Variants in PCDHGB4 observed in about 807,000 individuals in gnomAD.
PCDHGB4 encodes the protein protocadherin gamma subfamily B, 4, also known as protocadherin gamma-B4.
Under a neutral mutation model 60.5 loss-of-function variants are expected in PCDHGB4, and 38 were observed. That is an observed-to-expected ratio of 0.63 (90% confidence interval 0.48 to 0.82). The LOEUF (loss-of-function observed/expected upper bound fraction) is 0.82. PCDHGB4 is among the 40% of genes least tolerant of loss of function. The probability of loss-of-function intolerance (pLI) is 0.00; values close to 1 mark genes in which losing one functional copy is unlikely to be tolerated. For synonymous variants in PCDHGB4, 456 were observed against 509.7 expected, an observed-to-expected ratio of 0.89 and a Z score of 1.42; for missense variants, 1,109 against 1,209.6, an observed-to-expected ratio of 0.92 and a Z score of 1.23.
chr5:141,415,419 C>A, intron 1 of PCDHGB4: 1 of 1,614,196 alleles, frequency 6.2e-7, no homozygotes, highest in East Asian at 2.2e-5. Context: ...TGGGCGTGGA[C>A]GGGGTTCGGG....
At chr5:141,395,276 A>G in intron 1 of PCDHGB4, 1 of 1,543,522 alleles carries the variant, frequency 6.5e-7, no homozygotes. Flanking sequence ...TTTCCAGATG[A>G]ATTTTATTTG....
intron 1 of PCDHGB4, chr5:141,423,492 C>T (rs2154550191): frequency 1.2e-6 from 2 of 1,613,972 alleles, no homozygotes; most frequent in East Asian, 4.5e-5. Context: ...AAACCTATTC[C>T]CACGAGGTCT....
At chr5:141,445,268 C>A (rs2098461653) in intron 1 of PCDHGB4, among the ~76,000 whole-genome samples, 1 of 152,170 alleles carries the variant, frequency 6.6e-6, no homozygotes, top group Non-Finnish European at 1.5e-5. Flanking sequence ...TAAGTCGAAA[C>A]CACTCTGCAT....
chr5:141,414,587 G>C (rs775783880), intron 1 of PCDHGB4: 3 of 1,613,828 alleles, frequency 1.9e-6, no homozygotes, highest in Admixed American at 3.3e-5. Context: ...AACAACGCCA[G>C]GGGTGCCTCC....
At chr5:141,419,728 A>T (rs2096421858) in intron 1 of PCDHGB4, 1 of 1,613,466 alleles carries the variant, frequency 6.2e-7, no homozygotes. Flanking sequence ...GGCTGCGAAC[A>T]GGCGAGGTGC....
At chr5:141,450,067 T>C (rs1007808503) in intron 1 of PCDHGB4, among the ~76,000 whole-genome samples, 4 of 147,604 alleles carry the variant, frequency 2.7e-5, no homozygotes, top group African/African-American at 1.0e-4. Context: ...AATGCAGTGG[T>C]ATGATCTTGG....
chr5:141,394,136 C>A, intron 1 of PCDHGB4: 3 of 1,613,956 alleles, frequency 1.9e-6, no homozygotes, highest in Non-Finnish European at 2.5e-6. Flanking sequence ...TCGCTCTGCA[C>A]GTGGCAGACA....
At chr5:141,450,702 G>A (rs1466981422) in intron 1 of PCDHGB4, among the ~76,000 whole-genome samples, 1 of 152,026 alleles carries the variant, frequency 6.6e-6, no homozygotes, top group Non-Finnish European at 1.5e-5. Flanking sequence ...GCCCAGGATG[G>A]TCTCCAACTC....
chr5:141,404,185 C>T, intron 1 of PCDHGB4: 1 of 1,613,214 alleles, frequency 6.2e-7, no homozygotes, highest in Non-Finnish European at 8.5e-7. Context: ...AAATTCTTGA[C>T]CGAGAAAAAG....
chr5:141,410,820 T>A (rs1032991309), intron 1 of PCDHGB4: 14 of 524,668 alleles, frequency 2.7e-5, no homozygotes, highest in Non-Finnish European at 4.1e-5. Context: ...TAAAATAATG[T>A]CACCAGACTG....
At chr5:141,412,001 A>G (rs2095528527) in intron 1 of PCDHGB4, 1 of 151,750 alleles carries the variant, frequency 6.6e-6, no homozygotes, top group Non-Finnish European at 1.5e-5. Flanking sequence ...GCATAGTGAC[A>G]TAAACACTTC....
In PCDHGB4 at chr5:141,491,081, C is replaced by T; in HGVS notation, c.2398-3726C>T. The T allele has an allele frequency of 6.2e-7, 1 of 1,614,176 alleles. No individual in the cohort carries two copies. The highest frequency in any genetic ancestry group is 8.5e-7 in the Non-Finnish European group (1 of 1,180,010). On this transcript the variant is annotated intron_variant, in intron 1 of 3. Coordinates refer to ENST00000519479, the MANE Select transcript of PCDHGB4 (RefSeq NM_003736.4). The surrounding 1 kb of genome is among the most constrained non-coding windows in gnomAD (Gnocchi z 6.9). Reference sequence around the variant, plus strand: ...TCCTACTCACTGTTGCCACAGTCCACAGCCCCAGGACTGTTCCTCGTGTCT... The same window carrying T: ...TCCTACTCACTGTTGCCACAGTCCATAGCCCCAGGACTGTTCCTCGTGTCT...
Position 141,491,415 on chromosome 5 carries a change from G to GGGT in PCDHGB4, c.2398-3389_2398-3387dup. 1 of 1,614,126 alleles carries GGGT rather than the reference G, an allele frequency of 6.2e-7. No individual in the cohort carries two copies. Among genetic ancestry groups the GGGT allele is most frequent in the Non-Finnish European group, 8.5e-7 (1 of 1,180,034 alleles). ...TTCAGGGAAACGCAGACGGGGACGG[G>GGGT]GGTGGAGGGCAGTGCTGCAGGCGCC... On this transcript the variant is annotated intron_variant, in intron 1 of 3. Transcript: ENST00000519479. The surrounding 1 kb of genome is among the most constrained non-coding windows in gnomAD (Gnocchi z 6.9).
In PCDHGB4 at chr5:141,490,363, C is replaced by T. The variant is rs779932482; in HGVS notation, c.2398-4444C>T. 10 of 1,614,036 alleles carry T rather than the reference C, an allele frequency of 6.2e-6. No individual in the cohort carries two copies. The highest frequency in any genetic ancestry group is 1.3e-5 in the African/African-American group (1 of 74,904). The stretch of plus-strand genomic sequence containing the variant: ...CACAGTAGTGGGGTTGTTTAATGTG[C>T]GAGACCGGGACTCAGGTAGAAATGG... On this transcript the variant is annotated intron_variant, in intron 1 of 3. Coordinates refer to ENST00000519479, the MANE Select transcript of PCDHGB4 (RefSeq NM_003736.4). The surrounding 1 kb of genome is among the most constrained non-coding windows in gnomAD (Gnocchi z 5.4).
intron 1 of PCDHGB4, chr5:141,394,343 C>T: frequency 1.2e-6 from 2 of 1,614,158 alleles, no homozygotes; most frequent in African/African-American, 1.3e-5. Context: ...TCAACTCTGA[C>T]ACCGGTGTCC....
intron 1 of PCDHGB4, chr5:141,492,015 G>A (rs117345436): frequency 3.3e-6 from 2 of 600,492 alleles, no homozygotes; most frequent in African/African-American, 1.9e-5. Context: ...CGCGGGTGTC[G>A]GGGGTCCCGG....
rs140916255 is a variant in PCDHGB4, at chr5:141,475,995, C to A, written c.2398-18812C>A. 2,057 of 1,172,604 alleles carry A rather than the reference C, an allele frequency of 1.8e-3. 30 individuals carry two copies. The African/African-American group carries it at 0.027, about 16-fold the overall frequency. 72.6% of individuals were successfully genotyped at this position (1,172,604 alleles called of 1,614,324 possible). ...ACTGAACAGCCGGCGAGCAAATCAA[C>A]GGCATCCAGAAAGCCATGTCGGACT... On this transcript the variant is annotated intron_variant, in intron 1 of 3. Coordinates refer to ENST00000519479, the MANE Select transcript of PCDHGB4 (RefSeq NM_003736.4).
rs759756007 is a variant in PCDHGB4 at position 141,476,248 on chromosome 5, T to C, written c.2398-18559T>C. 2 of 1,613,856 alleles carry C rather than the reference T, an allele frequency of 1.2e-6. No individual in the cohort carries two copies. Among genetic ancestry groups the C allele is most frequent in the South Asian group, 2.2e-5 (2 of 91,050 alleles). On this transcript the variant is annotated intron_variant, in intron 1 of 3. Transcript: ENST00000519479. The surrounding 1 kb of genome is among the most constrained non-coding windows in gnomAD (Gnocchi z 7.6). The stretch of plus-strand genomic sequence containing the variant: ...AGATCCCGGAGGAAAGAGAGAAGGG[T>C]TTCGCTGTGGGCAACGTGGTCGCGA...
chr5:141,473,626 G>A lies in PCDHGB4; in HGVS notation c.2398-21181G>A, dbSNP rs149882847. ...GCAAAGCAAAGGGAGGGAGGAAAAA[G>A]CAGCTTTCCTGGCAAAGGAACAATT... On this transcript the variant is annotated intron_variant, in intron 1 of 3. Transcript: ENST00000519479. Among the ~76,000 whole-genome samples, 1,234 of 152,276 alleles carry A rather than the reference G, an allele frequency of 8.1e-3. 14 individuals are homozygous for A. Among genetic ancestry groups the A allele is most frequent in the Non-Finnish European group, 0.011 (715 of 68,020 alleles).
Sources: gnomAD v4.1 joint callset for allele counts (sites outside exome capture counted in the v4.1 genomes callset) on GRCh38, gnomAD v4.1.1 for gene constraint, Gnocchi (gnomAD v3.1) non-coding constraint, MANE v1.5 for transcripts, NCBI Gene and HGNC (gene_info 2026-07-23, HGNC 2026-07-21) for gene names.